CRTAM: variants seen among roughly 807,000 people sequenced by gnomAD.
The protein encoded by CRTAM is cytotoxic and regulatory T cell molecule, also known as cytotoxic and regulatory T-cell molecule.
A neutral mutation model predicts 50.0 loss-of-function variants in CRTAM; 44 were observed. That is an observed-to-expected ratio of 0.88 (90% CI 0.69 to 1.13). The LOEUF is 1.13. Among genes scored for constraint, CRTAM ranks in the 50% most tolerant of loss-of-function variants. CRTAM has a pLI of 0.00. For synonymous variants in CRTAM, 159 were observed against 169.3 expected (o/e 0.94, Z 0.47); for missense variants, 448 against 457.5 (o/e 0.98, Z 0.19).
chr11:122,860,581 T>G (rs1207706989), intron 5 of CRTAM, among the ~76,000 whole-genome samples: 2 of 152,196 alleles, frequency 1.3e-5, no homozygotes, highest in Non-Finnish European at 2.9e-5. Flanking sequence ...GTTTTAAATA[T>G]GTATAGATAA....
chr11:122,855,632 C>T (rs914868400), intron 4 of CRTAM, 63 bp from the exon 5 acceptor site: 37 of 1,466,570 alleles, frequency 2.5e-5, no homozygotes, highest in Non-Finnish European at 3.4e-5. Flanking sequence ...CCATTGGCCT[C>T]TAATAGAACC....
In CRTAM at chr11:122,855,784, G is replaced by A; in HGVS notation, c.580G>A (p.Val194Met). ...CCACACTTATGGCAAAAATTCAACGGTGGACTGCATTATCCGACACAGAGG... is the reference window on the plus strand; with the variant it reads ...CCACACTTATGGCAAAAATTCAACGATGGACTGCATTATCCGACACAGAGG... ...IIHTYGKNSTVDCIIRHRGLQ... is the reference protein window; with the variant it reads ...IIHTYGKNSTMDCIIRHRGLQ... The change falls in exon 5 of 10, where the codon GTG becomes ATG. Residue 194 changes from valine to methionine, a missense_variant. Transcript: ENST00000227348. 6.2e-7 allele frequency: 1 copy of A among 1,614,006 alleles called. No individual in the cohort carries two copies. The highest frequency in any genetic ancestry group is 1.1e-5 in the South Asian group (1 of 91,078).
Position 122,860,011 on chromosome 11 carries a change from C to T in CRTAM, c.653-2453C>T, listed in dbSNP as rs147268115. On this transcript the variant is annotated intron_variant, in intron 5 of 9. Transcript: ENST00000227348. Reference sequence around the variant, plus strand: ...CTCACAGTGGTGGATACAAGTTGTCCGAAATTTGAACTTTAAGTGTGACTA... The same window carrying T: ...CTCACAGTGGTGGATACAAGTTGTCTGAAATTTGAACTTTAAGTGTGACTA... Among the ~76,000 whole-genome samples, 847 of 152,188 alleles carry T rather than the reference C, an allele frequency of 5.6e-3. 7 individuals are homozygous for T. Among genetic ancestry groups the T allele is most frequent in the Middle Eastern group, 0.014 (4 of 294 alleles).
intron 1 of CRTAM, among the ~76,000 whole-genome samples, chr11:122,841,289 C>T (rs1713107539): frequency 6.6e-6 from 1 of 152,098 alleles, no homozygotes; most frequent in African/African-American, 2.4e-5. Context: ...AGAATTAATG[C>T]ATTGCATGTC....
At chr11:122,845,050 T>A (rs1222028072) in intron 1 of CRTAM, among the ~76,000 whole-genome samples, 1 of 152,092 alleles carries the variant, frequency 6.6e-6, no homozygotes, top group African/African-American at 2.4e-5. Flanking sequence ...GGAGTGAGTA[T>A]AGAGAGTCTA....
At chr11:122,855,942 G>A (rs914537043) in intron 5 of CRTAM, 86 bp downstream of exon 5, 25 of 1,089,146 alleles carry the variant, frequency 2.3e-5, no homozygotes, top group Non-Finnish European at 3.3e-5. Context: ...AGTGGGCAGA[G>A]TCCTTCAGAT....
chr11:122,868,055 G>A lies in CRTAM; in HGVS notation c.1007G>A (p.Arg336Lys). The A allele has an allele frequency of 1.2e-6, 2 of 1,613,386 alleles. No homozygotes were observed. The highest frequency in any genetic ancestry group is 1.7e-6 in the Non-Finnish European group (2 of 1,179,576). Reference protein sequence around the residue: ...SEHTLESYRSRSNNEETSSEE... With the variant: ...SEHTLESYRSKSNNEETSSEE... ...CACACACTAGAAAGTTACAGATCAA[G>A]GTCAAATAATGAAGAAACATCATCT... Residue 336 changes from arginine to lysine, a missense_variant, in exon 9 of 10, where the codon AGG becomes AAG. Coordinates refer to ENST00000227348, the MANE Select transcript of CRTAM (RefSeq NM_019604.4).
chr11:122,840,381 A>T (rs1781971424), intron 1 of CRTAM, among the ~76,000 whole-genome samples: 1 of 152,164 alleles, frequency 6.6e-6, no homozygotes, highest in Non-Finnish European at 1.5e-5. Context: ...CCTATAAAGC[A>T]CATAGTAAAA....
intron 9 of CRTAM, among the ~76,000 whole-genome samples, chr11:122,870,695 G>A (rs1308279207): frequency 6.6e-6 from 1 of 152,038 alleles, no homozygotes; most frequent in Admixed American, 6.5e-5. Flanking sequence ...AATATGTTAT[G>A]GTCAGCAACA....
rs118060102 is a variant in CRTAM, at chr11:122,852,879, T to G, written c.346+1034T>G. Among the ~76,000 whole-genome samples, 321 of 152,250 alleles carry G rather than the reference T, an allele frequency of 2.1e-3. 9 individuals carry two copies. The East Asian group carries it at 0.056, about 27-fold the overall frequency. On this transcript the variant is annotated intron_variant, in intron 3 of 9. Coordinates refer to ENST00000227348, the MANE Select transcript of CRTAM (RefSeq NM_019604.4). ...AACAAGTAACACATCTAATGTATAT[T>G]TGGAGCTAAGAAGTGCCTTTATAAG...
chr11:122,840,293 C>T (rs1461401710), intron 1 of CRTAM, among the ~76,000 whole-genome samples: 2 of 151,988 alleles, frequency 1.3e-5, no homozygotes, highest in African/African-American at 4.8e-5. Context: ...GTACTAATAT[C>T]CCCAATTTAA....
intron 2 of CRTAM, among the ~76,000 whole-genome samples, chr11:122,851,475 G>T (rs1381826200): frequency 6.6e-6 from 1 of 152,110 alleles, no homozygotes; most frequent in Admixed American, 6.6e-5. Context: ...GGAGAAGAGG[G>T]ACTCTCTCGG....
At chr11:122,841,546 A>G (rs1591346785) in intron 1 of CRTAM, among the ~76,000 whole-genome samples, 1 of 151,592 alleles carries the variant, frequency 6.6e-6, no homozygotes, top group South Asian at 2.1e-4. Context: ...GACTACAGGC[A>G]CCCGCCACCA....
intron 3 of CRTAM, 29 bp downstream of exon 3, chr11:122,851,874 G>A: frequency 6.2e-7 from 1 of 1,602,244 alleles, no homozygotes; most frequent in Non-Finnish European, 8.5e-7. Context: ...ACCCAGTAGG[G>A]GAGCAATATG....
At chr11:122,854,135 A>G in intron 4 of CRTAM, 49 bp downstream of exon 4, 4 of 1,587,548 alleles carry the variant, frequency 2.5e-6, no homozygotes, top group Non-Finnish European at 3.4e-6. Context: ...TCAAATTTCC[A>G]GGGGATTTTT....
intron 3 of CRTAM, among the ~76,000 whole-genome samples, chr11:122,852,148 C>T (rs1861938634): frequency 6.6e-6 from 1 of 152,166 alleles, no homozygotes; most frequent in South Asian, 2.1e-4. Flanking sequence ...ATGTGAGGTT[C>T]TCGGGAATCA....
intron 1 of CRTAM, 122 bp downstream of exon 1, chr11:122,838,714 T>A: frequency 1.2e-6 from 1 of 817,534 alleles, no homozygotes; most frequent in Non-Finnish European, 2.0e-6. Flanking sequence ...AGGTAACTGC[T>A]AATACTTTCC....
chr11:122,864,775 G>C (rs1444258847), intron 7 of CRTAM, 56 bp downstream of exon 7: 24 of 1,293,846 alleles, frequency 1.9e-5, no homozygotes, highest in African/African-American at 2.9e-5. Context: ...CCTCTTAATC[G>C]ATAAATTCAA....
rs757331829 is a variant in CRTAM, at chr11:122,851,668, A to G, written c.194-25A>G. The G allele has an allele frequency of 3.7e-6, 6 of 1,612,558 alleles. No homozygotes were observed. The Admixed American group carries it at 1.0e-4, about 27-fold the overall frequency. ...GATTCATCGGATATCTTTCCTCATA[A>G]CAGCTCTATTTCCCTCTTGTACAGC... On this transcript the variant is annotated intron_variant, in intron 2 of 9. Coordinates refer to ENST00000227348, the MANE Select transcript of CRTAM (RefSeq NM_019604.4).
Sources: gnomAD v4.1 joint callset for allele counts (sites outside exome capture counted in the v4.1 genomes callset) on GRCh38, gnomAD v4.1.1 for gene constraint, MANE v1.5 for transcripts, NCBI Gene and HGNC (gene_info 2026-07-23, HGNC 2026-07-21) for gene names.